The following SCML4 variants were observed in gnomAD, a reference collection of about 807,000 sequenced individuals.
The protein encoded by SCML4 is sex comb on midleg-like protein 4.
A neutral mutation model predicts 41.1 loss-of-function variants in SCML4; 34 were observed. The observed-to-expected ratio is 0.83, with a 90% CI of 0.63 to 1.10. The LOEUF (loss-of-function observed/expected upper bound fraction) is 1.10. SCML4 is among the 50% of genes least tolerant of loss of function. SCML4 has a pLI of 0.00. For missense variants in SCML4, 522 were observed against 534.1 expected (o/e 0.98, Z 0.22); for synonymous variants, 214 against 220.9 (o/e 0.97, Z 0.28).
chr6:107,707,912 GCGTCCTTCACAAACCACACCA>G lies in SCML4; in HGVS notation c.1052_1072del (p.Val351_Asp357del). ...GTGAGGCCCCAGAGCCTGTGGGTCG[GCGTCCTTCACAAACCACACCA>G]CGTCCTCCACAGTCCAGGCGGAGGG... is the stretch of plus-strand genomic sequence containing the variant. On this transcript the variant is annotated inframe_deletion, in exon 7 of 8. Transcript: ENST00000369020. The G allele has an allele frequency of 6.4e-7, 1 of 1,551,662 alleles. No homozygotes were observed. The highest frequency in any genetic ancestry group is 8.7e-7 in the Non-Finnish European group (1 of 1,146,988).
chr6:107,844,126 T>C, the SCML4 span, among the ~76,000 whole-genome samples: 1 of 152,110 alleles, frequency 6.6e-6, no homozygotes, highest in Non-Finnish European at 1.5e-5. Context: ...GAGGAGAATT[T>C]AAAAATAAAA....
intron 2 of SCML4, among the ~76,000 whole-genome samples, chr6:107,750,332 T>C (rs1370977511): frequency 6.6e-6 from 1 of 152,156 alleles, no homozygotes. Context: ...CTGCAGCAGA[T>C]TGACAAAACT....
chr6:107,740,359 A>G (rs1777476297), intron 5 of SCML4, among the ~76,000 whole-genome samples: 1 of 152,176 alleles, frequency 6.6e-6, no homozygotes, highest in African/African-American at 2.4e-5. Flanking sequence ...AAACAGTTTA[A>G]CTAGAAGAGA....
At chr6:107,707,678 T>G (rs1446203699) in intron 7 of SCML4, among the ~76,000 whole-genome samples, 188 bp downstream of exon 7, 7 of 152,200 alleles carry the variant, frequency 4.6e-5, no homozygotes, top group Non-Finnish European at 1.0e-4. Context: ...GTGGTCACTC[T>G]GCTCTGAGGA....
At chr6:107,808,683 T>C (rs1430878657) in intron 1 of SCML4, among the ~76,000 whole-genome samples, 2 of 152,170 alleles carry the variant, frequency 1.3e-5, no homozygotes, top group Non-Finnish European at 2.9e-5. Context: ...TTTGAGAATG[T>C]TCAGGGAAGG....
chr6:107,734,608 CT>C (rs1351705725), intron 5 of SCML4, among the ~76,000 whole-genome samples: 1 of 152,080 alleles, frequency 6.6e-6, no homozygotes, highest in Non-Finnish European at 1.5e-5. Context: ...ACATTTTTCC[CT>C]TTTAGTTCAA....
At chr6:107,820,303 G>A (rs1784851860) in intron 1 of SCML4, among the ~76,000 whole-genome samples, 1 of 152,184 alleles carries the variant, frequency 6.6e-6, no homozygotes, top group South Asian at 2.1e-4. Context: ...CCCTCCAGAT[G>A]CTATACCCAA....
At chr6:107,785,324 G>A (rs1478154018) in intron 1 of SCML4, among the ~76,000 whole-genome samples, 1 of 152,150 alleles carries the variant, frequency 6.6e-6, no homozygotes, top group Non-Finnish European at 1.5e-5. Flanking sequence ...AAACCTGCAG[G>A]AACAAGGTGA....
chr6:107,727,753 T>C (rs1444763820), intron 5 of SCML4, among the ~76,000 whole-genome samples: 1 of 152,044 alleles, frequency 6.6e-6, no homozygotes, highest in Non-Finnish European at 1.5e-5. Context: ...CTGAATGGAG[T>C]GAGGGAAAGG....
intron 5 of SCML4, among the ~76,000 whole-genome samples, chr6:107,742,472 A>T (rs941520347): frequency 6.6e-6 from 1 of 152,130 alleles, no homozygotes; most frequent in South Asian, 2.1e-4. Flanking sequence ...AACAAACAAA[A>T]CTACCCCAAG....
At chr6:107,825,893 T>C (rs1562296719), upstream of SCML4, among the ~76,000 whole-genome samples, 2 of 124,218 alleles carry the variant, frequency 1.6e-5, no homozygotes, top group Non-Finnish European at 3.1e-5. Flanking sequence ...GCCGATACCG[T>C]GCCACTGCAC....
At chr6:107,763,091 C>G (rs189641718) in intron 2 of SCML4, among the ~76,000 whole-genome samples, 1 of 152,090 alleles carries the variant, frequency 6.6e-6, no homozygotes, top group Non-Finnish European at 1.5e-5. Context: ...CTATGTTGCC[C>G]AGGCTGGTCT....
chr6:107,831,411 C>CAAAAA, the SCML4 span, among the ~76,000 whole-genome samples: 26 of 107,490 alleles, frequency 2.4e-4, no homozygotes, highest in Non-Finnish European at 3.1e-4. Context: ...TTTTCATTCT[C>CAAAAA]AAAAAAAAAA....
At position 107,720,876 on chromosome 6, in the gene SCML4, A is replaced by G. The variant is rs1775326599; in HGVS notation, c.800T>C (p.Leu267Pro). ...HRGSLHPSSS[L>P]YCKRQNSGDS... ...TCCAGAGTTCTGCCTCTTGCAGTAC[A>G]GCGAGGAGGAGGGGTGCAAGGAGCC... Residue 267 changes from leucine to proline, a missense_variant, in exon 6 of 8, where the codon CTG becomes CCG. Physicochemically the swap from Leu to Pro is moderately conservative, Grantham distance 98 (BLOSUM62 -3). Coordinates refer to ENST00000369020, the MANE Select transcript of SCML4 (RefSeq NM_198081.5). 5 of 1,614,194 alleles carry G rather than the reference A, an allele frequency of 3.1e-6. No individual in the cohort carries two copies. In the South Asian group the frequency reaches 3.3e-5, roughly 11 times the overall value.
intron 1 of SCML4, among the ~76,000 whole-genome samples, chr6:107,785,364 G>A (rs557435601): frequency 3.0e-4 from 45 of 152,316 alleles, no homozygotes; most frequent in Admixed American, 1.8e-3. Context: ...GCGCCCCACT[G>A]CTGAGGAGCT....
At chr6:107,746,105 G>C (rs1778064196) in intron 4 of SCML4, 1 of 152,236 alleles carries the variant, frequency 6.6e-6, no homozygotes, top group African/African-American at 2.4e-5. Flanking sequence ...CATTTGAGTA[G>C]AACCTAAAGG....
chr6:107,828,582 A>G (rs1372675032), upstream of SCML4, among the ~76,000 whole-genome samples: 4 of 152,224 alleles, frequency 2.6e-5, no homozygotes, highest in Admixed American at 2.0e-4. Context: ...AGCATGGAGA[A>G]AGAACACGAA....
chr6:107,709,332 G>C (rs1306774505), intron 6 of SCML4, among the ~76,000 whole-genome samples: 1 of 152,180 alleles, frequency 6.6e-6, no homozygotes, highest in African/African-American at 2.4e-5. Flanking sequence ...CTGGTGATTG[G>C]ACCAGGATGT....
upstream of SCML4, among the ~76,000 whole-genome samples, chr6:107,827,397 AAT>A (rs1785298183): frequency 6.7e-6 from 1 of 149,756 alleles, no homozygotes; most frequent in Admixed American, 6.7e-5. Context: ...CATTTATTAA[AAT>A]ATATATATTT....
Sources: gnomAD v4.1 joint callset for allele counts (sites outside exome capture counted in the v4.1 genomes callset) on GRCh38, gnomAD v4.1.1 for gene constraint, MANE v1.5 for transcripts, NCBI Gene and HGNC (gene_info 2026-07-23, HGNC 2026-07-21) for gene names.